MPP7: variants seen among roughly 807,000 people sequenced by gnomAD.
MPP7 encodes MAGUK p55 scaffold protein 7.
A neutral mutation model predicts 76.5 loss-of-function variants in MPP7; 60 were observed. The observed-to-expected ratio is 0.78, with a 90% CI of 0.64 to 0.97. The LOEUF (loss-of-function observed/expected upper bound fraction) is 0.97. Ranked by LOEUF, MPP7 falls within the 50% of genes least tolerant of loss-of-function variation. MPP7 has a pLI of 0.00. For missense variants in MPP7, 641 were observed against 694.0 expected, an observed-to-expected ratio of 0.92 and a Z score of 0.86; for synonymous variants, 237 against 244.5, an observed-to-expected ratio of 0.97 and a Z score of 0.29.
intron 11 of MPP7, among the ~76,000 whole-genome samples, chr10:28,119,378 T>C (rs554960593): frequency 6.6e-6 from 1 of 152,272 alleles, no homozygotes; most frequent in Non-Finnish European, 1.5e-5. Context: ...ATAAAATAAC[T>C]ATATTTGGAA....
At chr10:28,275,342 T>C (rs1463996689) in intron 1 of MPP7, among the ~76,000 whole-genome samples, 1 of 152,136 alleles carries the variant, frequency 6.6e-6, no homozygotes, top group Non-Finnish European at 1.5e-5. Flanking sequence ...AGATGTGCTG[T>C]TGAGTCCTAT....
chr10:28,298,480 G>A (rs749033846), intron 1 of MPP7, among the ~76,000 whole-genome samples: 2 of 152,192 alleles, frequency 1.3e-5, no homozygotes, highest in African/African-American at 2.4e-5. Flanking sequence ...AGTGGGTCTC[G>A]ACAGTGAGCT....
At chr10:28,240,381 A>T (rs1270067128) in intron 1 of MPP7, among the ~76,000 whole-genome samples, 1 of 152,130 alleles carries the variant, frequency 6.6e-6, no homozygotes, top group African/African-American at 2.4e-5. Flanking sequence ...AAGCCTTCTA[A>T]ATTTGCTTTT....
At chr10:28,222,635 G>A (rs1279751185) in intron 2 of MPP7, among the ~76,000 whole-genome samples, 4 of 152,014 alleles carry the variant, frequency 2.6e-5, no homozygotes, top group East Asian at 1.9e-4. Context: ...AGGCGGTCAC[G>A]AGGTCAGGAG....
intron 5 of MPP7, among the ~76,000 whole-genome samples, chr10:28,144,704 T>C (rs1326592532): frequency 2.0e-5 from 3 of 152,212 alleles, no homozygotes; most frequent in Non-Finnish European, 4.4e-5. Context: ...TCAACTTATA[T>C]GCCACTTCCT....
intron 6 of MPP7, among the ~76,000 whole-genome samples, chr10:28,130,735 A>C (rs1835166157): frequency 6.6e-6 from 1 of 152,212 alleles, no homozygotes. Flanking sequence ...TAAATAACAA[A>C]TTTGTTGAAA....
In MPP7 at chr10:28,247,866, C is replaced by T. The variant is rs111253423; in HGVS notation, c.-131-9131G>A. 1.3e-3 allele frequency among the ~76,000 whole-genome samples: 198 copies of T among 152,266 alleles called. 2 individuals carry two copies. Among genetic ancestry groups the T allele is most frequent in the African/African-American group, 4.6e-3 (191 of 41,548 alleles). ...TTAAGAGCACTGCATTGTTCATACA[C>T]CTTTTAATGTCACTTTCTTCAATAA... On this transcript the variant is annotated intron_variant, in intron 1 of 16. Transcript: ENST00000683449.
intron 3 of MPP7, among the ~76,000 whole-genome samples, chr10:28,189,334 G>A (rs1273126770): frequency 1.8e-4 from 28 of 151,962 alleles, no homozygotes; most frequent in African/African-American, 4.3e-4. Context: ...AGGCTAAGGC[G>A]GGAGGATCAC....
chr10:28,153,773 CAAT>C lies in MPP7; in HGVS notation c.157-3717_157-3715del, dbSNP rs545455383. The stretch of plus-strand genomic sequence containing the variant: ...ATGCAGTCATGTGTTTTATACCTGT[CAAT>C]GATGTACAGACTCCACCATGGTCAT... On this transcript the variant is annotated intron_variant, in intron 3 of 16. Transcript: ENST00000683449. Among the ~76,000 whole-genome samples, 58 of 152,276 alleles carry C rather than the reference CAAT, an allele frequency of 3.8e-4. 1 individual carries two copies. The South Asian group carries it at 0.011, about 29-fold the overall frequency.
chr10:28,184,354 AAT>A (rs1293202206), intron 3 of MPP7, among the ~76,000 whole-genome samples: 2 of 148,290 alleles, frequency 1.3e-5, no homozygotes, highest in African/African-American at 4.9e-5. Context: ...TCTTTATCTT[AAT>A]ATATTATTAT....
chr10:28,256,282 T>C (rs893392268), intron 1 of MPP7, among the ~76,000 whole-genome samples: 1 of 149,120 alleles, frequency 6.7e-6, no homozygotes, highest in African/African-American at 2.5e-5. Flanking sequence ...TTAGGACTAC[T>C]GCCCTGCAAC....
rs1310328780 is a variant in MPP7 at position 28,317,766 on chromosome 10, G to A, written c.-132+12163C>T. On this transcript the variant is annotated intron_variant, in intron 2 of 11. Coordinates refer to the MPP7 transcript ENST00000441595. Reference sequence around the variant, plus strand: ...CTAAGAGAGGCATGGGGTAGGTCACGATTTCAGGGTGGCCGCCATGCCTGG... The same window carrying A: ...CTAAGAGAGGCATGGGGTAGGTCACAATTTCAGGGTGGCCGCCATGCCTGG... Among the ~76,000 whole-genome samples, 3 of 152,186 alleles carry A rather than the reference G, an allele frequency of 2.0e-5. No homozygotes were observed. The East Asian group carries it at 5.8e-4, about 29-fold the overall frequency.
At chr10:28,082,610 C>T (rs113427161) in intron 12 of MPP7, among the ~76,000 whole-genome samples, 4,386 of 152,238 alleles carry the variant, frequency 0.029, 194 homozygotes, top group African/African-American at 0.097. Flanking sequence ...GCACACACCA[C>T]CTTGCCTGGC....
At chr10:28,149,517 G>A (rs1472180755) in intron 4 of MPP7, among the ~76,000 whole-genome samples, 1 of 152,056 alleles carries the variant, frequency 6.6e-6, no homozygotes, top group African/African-American at 2.4e-5. Context: ...TCATTACTAT[G>A]TTTTATAATC....
intron 1 of MPP7, among the ~76,000 whole-genome samples, chr10:28,242,093 C>G (rs539554012): frequency 4.5e-4 from 69 of 152,280 alleles, no homozygotes; most frequent in Admixed American, 1.2e-3. Context: ...CACACACACA[C>G]AGTTAATATA....
intron 5 of MPP7, among the ~76,000 whole-genome samples, chr10:28,142,629 G>T (rs1835558846): frequency 6.6e-6 from 1 of 152,162 alleles, no homozygotes; most frequent in Non-Finnish European, 1.5e-5. Flanking sequence ...TAGTTAGGAG[G>T]CTGAGGCAGG....
chr10:28,073,568 G>A (rs1032863994), intron 12 of MPP7, among the ~76,000 whole-genome samples: 8 of 152,028 alleles, frequency 5.3e-5, no homozygotes, highest in Non-Finnish European at 1.0e-4. Context: ...TCAGGAGTTC[G>A]AGACCAGCCT....
chr10:28,264,285 T>C (rs1840076937), intron 1 of MPP7, among the ~76,000 whole-genome samples: 2 of 152,136 alleles, frequency 1.3e-5, no homozygotes, highest in Admixed American at 1.3e-4. Flanking sequence ...AGTAAGACCC[T>C]GTCTCTTTTT....
At chr10:28,071,850 C>G (rs958416987) in intron 12 of MPP7, among the ~76,000 whole-genome samples, 1 of 152,016 alleles carries the variant, frequency 6.6e-6, no homozygotes, top group South Asian at 2.1e-4. Context: ...GGAATAAGAA[C>G]TAGCATTTGG....
Sources: allele counts gnomAD v4.1 joint callset (sites outside exome capture counted in the v4.1 genomes callset), GRCh38; gene constraint gnomAD v4.1.1; transcripts MANE v1.5; gene names NCBI Gene and HGNC (gene_info 2026-07-23, HGNC 2026-07-21).